MRC1: variants seen among roughly 807,000 people sequenced by gnomAD.
MRC1 encodes the protein mannose receptor C-type 1.
Under a neutral mutation model 102.9 loss-of-function variants are expected in MRC1, and 62 were observed. The ratio of observed to expected loss-of-function variants is 0.60; its 90% CI spans 0.49 to 0.74. The LOEUF (loss-of-function observed/expected upper bound fraction) is 0.74. Ranked by LOEUF, MRC1 falls within the 30% of genes least tolerant of loss-of-function variation. The pLI, the probability that MRC1 is intolerant of heterozygous loss-of-function variation, is 0.00. For missense variants in MRC1, 1,237 were observed against 862.8 expected (o/e 1.43, Z -5.43); for synonymous variants, 457 against 298.4 (o/e 1.53, Z -5.48).
intron 7 of MRC1, among the ~76,000 whole-genome samples, chr10:17,852,480 AAG>A (rs1189233300): frequency 2.6e-5 from 4 of 152,212 alleles, no homozygotes; most frequent in Non-Finnish European, 5.9e-5. Context: ...TCTTGATAAC[AAG>A]AGTCAGTAAA....
rs1020464774 is a variant in MRC1, at chr10:17,882,415, T to A, written c.2980+1234T>A. Among the ~76,000 whole-genome samples the A allele has an allele frequency of 8.9e-4, 136 of 152,222 alleles. 4 individuals are homozygous for A. In the East Asian group the frequency reaches 0.024, roughly 26 times the overall value. On this transcript the variant is annotated intron_variant, in intron 21 of 29. Coordinates refer to ENST00000569591, the MANE Select transcript of MRC1 (RefSeq NM_002438.4). ...GGCTGGTATGTTGGCTGGTATGTAGTATAGAAGATGCTCAACAGTTGTTTG... is the reference window on the plus strand; with the variant it reads ...GGCTGGTATGTTGGCTGGTATGTAGAATAGAAGATGCTCAACAGTTGTTTG...
intron 24 of MRC1, among the ~76,000 whole-genome samples, chr10:17,899,130 T>C (rs966159736): frequency 1.3e-4 from 20 of 150,154 alleles, no homozygotes; most frequent in African/African-American, 4.9e-4. Flanking sequence ...GGAGATAAAC[T>C]GGAGAGTAGA....
chr10:17,847,554 A>G (rs1838843965), intron 6 of MRC1, among the ~76,000 whole-genome samples: 1 of 152,252 alleles, frequency 6.6e-6, no homozygotes, highest in Non-Finnish European at 1.5e-5. Flanking sequence ...ATACGGGATT[A>G]GCAACAGCCT....
intron 16 of MRC1, 62 bp downstream of exon 16, chr10:17,873,887 C>A: frequency 1.2e-6 from 1 of 860,650 alleles, no homozygotes; most frequent in Non-Finnish European, 2.0e-6. Flanking sequence ...TCTTTCCTTT[C>A]TCAATGAAAA....
chr10:17,831,039 C>G (rs1838563185), intron 3 of MRC1, among the ~76,000 whole-genome samples: 1 of 145,430 alleles, frequency 6.9e-6, no homozygotes, highest in East Asian at 2.0e-4. Context: ...CAGGCGCGTG[C>G]CACCATACCT....
intron 1 of MRC1, among the ~76,000 whole-genome samples, chr10:17,817,405 T>C (rs1838330164): frequency 6.6e-6 from 1 of 152,188 alleles, no homozygotes; most frequent in Non-Finnish European, 1.5e-5. Flanking sequence ...GGGTTGAAAC[T>C]TATTGCTTCT....
chr10:17,881,680 T>G (rs1833520119), intron 21 of MRC1, among the ~76,000 whole-genome samples: 1 of 148,094 alleles, frequency 6.8e-6, no homozygotes, highest in Non-Finnish European at 1.5e-5. Flanking sequence ...ATTTTTTTTT[T>G]TTTTTTTTTT....
intron 1 of MRC1, among the ~76,000 whole-genome samples, chr10:17,813,707 T>A (rs1337039959): frequency 1.2e-4 from 17 of 146,430 alleles, no homozygotes; most frequent in African/African-American, 4.0e-4. Context: ...TATATTTTTT[T>A]TTTTTTTTGA....
At chr10:17,887,996 G>A (rs1379746558) in intron 22 of MRC1, among the ~76,000 whole-genome samples, 1 of 152,038 alleles carries the variant, frequency 6.6e-6, no homozygotes, top group African/African-American at 2.4e-5. Context: ...AGTAGAGATG[G>A]GGTTTCACTA....
chr10:17,861,600 T>A (rs1833184880), intron 10 of MRC1, 98 bp downstream of exon 10: 1 of 716,200 alleles, frequency 1.4e-6, no homozygotes, highest in Non-Finnish European at 2.6e-6. Flanking sequence ...TGAGTATGTG[T>A]GATCTTGAGG....
chr10:17,848,942 C>T (rs1362706403), intron 6 of MRC1, among the ~76,000 whole-genome samples: 11 of 152,256 alleles, frequency 7.2e-5, no homozygotes, highest in Admixed American at 7.2e-4. Context: ...TAACCTGCCT[C>T]TCAAGAGTGA....
rs1436281308 is a variant in MRC1 at position 17,866,434 on chromosome 10, C to A, written c.1784-128C>A. The A allele has an allele frequency of 1.6e-5, 12 of 758,132 alleles. No homozygotes were observed. In the East Asian group the frequency reaches 2.9e-4, roughly 18 times the overall value. The allele number at this position is 758,132 out of a possible 1,614,324, so 47.0% of individuals were successfully genotyped here. ...TGTTAGAAATATAAAGTGTTACAAACCCCCCTGCATCTGAGATCATAATTG... is the reference window on the plus strand; with the variant it reads ...TGTTAGAAATATAAAGTGTTACAAAACCCCCTGCATCTGAGATCATAATTG... On this transcript the variant is annotated intron_variant, in intron 11 of 29. Transcript: ENST00000569591.
chr10:17,843,083 T>C (rs1277217932), intron 5 of MRC1, among the ~76,000 whole-genome samples: 1 of 152,182 alleles, frequency 6.6e-6, no homozygotes, highest in Non-Finnish European at 1.5e-5. Flanking sequence ...GATGTACAAG[T>C]GTGAATTCAA....
intron 5 of MRC1, among the ~76,000 whole-genome samples, chr10:17,843,928 TC>T (rs1350923070): frequency 6.6e-6 from 1 of 152,206 alleles, no homozygotes; most frequent in Non-Finnish European, 1.5e-5. Flanking sequence ...AGAATGTGGC[TC>T]ATTCACCCTG....
At chr10:17,893,200 G>C (rs1044756716) in intron 22 of MRC1, among the ~76,000 whole-genome samples, 1 of 127,632 alleles carries the variant, frequency 7.8e-6, no homozygotes, top group African/African-American at 2.9e-5. Context: ...CTCTCAGCTT[G>C]GCTGGAGTGC....
rs1429587218 is a variant in MRC1 at position 17,875,035 on chromosome 10, A to G, written c.2387-55A>G. 23 of 780,654 alleles carry G rather than the reference A, an allele frequency of 2.9e-5. No individual in the cohort carries two copies. The African/African-American group carries it at 3.7e-4, about 13-fold the overall frequency. 48.4% of individuals were successfully genotyped at this position (780,654 alleles called of 1,614,324 possible). ...TTCACCTTTGTGTGCTGTACACACC[A>G]GATTCTTGAATTTGTCTGCATAAAA... On this transcript the variant is annotated intron_variant, in intron 16 of 29. Transcript: ENST00000569591.
At chr10:17,816,528 T>A (rs1838315794) in intron 1 of MRC1, among the ~76,000 whole-genome samples, 1 of 152,126 alleles carries the variant, frequency 6.6e-6, no homozygotes, top group African/African-American at 2.4e-5. Context: ...GATGAAGGCT[T>A]CCTCCTACAG....
In MRC1 at chr10:17,859,020, G is replaced by T. The variant is rs1022659988; in HGVS notation, c.1519-2367G>T. Among the ~76,000 whole-genome samples the T allele has an allele frequency of 6.6e-5, 10 of 152,150 alleles. No individual in the cohort carries two copies. The East Asian group carries it at 1.5e-3, about 23-fold the overall frequency. ...CATCTCTTCCTATGCTATCTTTTCT[G>T]TCTTGCTTTTTATCTTTTCATCCAA... On this transcript the variant is annotated intron_variant, in intron 9 of 29. Coordinates refer to ENST00000569591, the MANE Select transcript of MRC1 (RefSeq NM_002438.4).
chr10:17,906,190 T>C (rs1449219811), intron 26 of MRC1, among the ~76,000 whole-genome samples: 1 of 152,102 alleles, frequency 6.6e-6, no homozygotes, highest in Non-Finnish European at 1.5e-5. Flanking sequence ...AGCAAGGTGA[T>C]GGGTTATTGC....
Sources: gnomAD v4.1 joint callset for allele counts (sites outside exome capture counted in the v4.1 genomes callset) on GRCh38, gnomAD v4.1.1 for gene constraint, MANE v1.5 for transcripts, NCBI Gene and HGNC (gene_info 2026-07-23, HGNC 2026-07-21) for gene names.